GALNTL6: variants seen among roughly 807,000 people sequenced by gnomAD.
GALNTL6 encodes polypeptide N-acetylgalactosaminyltransferase-like 6.
In GALNTL6, 46 loss-of-function variants were observed where a neutral mutation model predicts 73.7. That is an observed-to-expected ratio of 0.62 (90% CI 0.49 to 0.80). GALNTL6 has a LOEUF of 0.80. Among genes scored for constraint, GALNTL6 ranks in the 30% least tolerant of loss-of-function variants. The pLI is 0.00. For missense variants in GALNTL6, 604 were observed against 755.0 expected (o/e 0.80, Z 2.34); for synonymous variants, 259 against 263.7 (o/e 0.98, Z 0.17).
chr4:171,937,221 G>C (rs1285403715), intron 2 of GALNTL6, among the ~76,000 whole-genome samples: 4 of 152,088 alleles, frequency 2.6e-5, no homozygotes, highest in Non-Finnish European at 5.9e-5. Flanking sequence ...TTCACTGTTT[G>C]ACATGAGTGC....
chr4:171,814,776 G>T (rs775462343), intron 2 of GALNTL6, 58 bp downstream of exon 2: 1 of 1,568,138 alleles, frequency 6.4e-7, no homozygotes, highest in Non-Finnish European at 8.7e-7. Context: ...ATCCTCGCGC[G>T]GGGACTCGAG....
intron 3 of GALNTL6, among the ~76,000 whole-genome samples, chr4:172,273,852 T>C (rs574234019): frequency 6.6e-6 from 1 of 152,288 alleles, no homozygotes; most frequent in South Asian, 2.1e-4. Context: ...AAAGAAGGCA[T>C]TGGTGACCTT....
chr4:172,442,862 GA>G (rs1005606127), intron 5 of GALNTL6, among the ~76,000 whole-genome samples: 2 of 151,434 alleles, frequency 1.3e-5, no homozygotes, highest in African/African-American at 4.8e-5. Flanking sequence ...TTTAATGAGA[GA>G]AAAAAATACC....
Position 172,979,684 on chromosome 4 carries a change from G to A in GALNTL6, c.1371+27426G>A, listed in dbSNP as rs1430798105. Among the ~76,000 whole-genome samples, 5 of 152,286 alleles carry A rather than the reference G, an allele frequency of 3.3e-5. No individual in the cohort carries two copies. In the East Asian group the frequency reaches 7.7e-4, roughly 24 times the overall value. On this transcript the variant is annotated intron_variant, in intron 10 of 12. Coordinates refer to ENST00000506823, the MANE Select transcript of GALNTL6 (RefSeq NM_001034845.3). Reference sequence around the variant, plus strand: ...ATTCACCTGGCTTTAGGAGCCCTTTGAGTTACCCTGCTTGGTTCTTAAACA... The same window carrying A: ...ATTCACCTGGCTTTAGGAGCCCTTTAAGTTACCCTGCTTGGTTCTTAAACA...
intron 5 of GALNTL6, among the ~76,000 whole-genome samples, chr4:172,707,320 T>G (rs1364432532): frequency 2.0e-5 from 3 of 152,224 alleles, no homozygotes; most frequent in Non-Finnish European, 1.5e-5. Context: ...GTAGTGTTTG[T>G]TGTAGCAGTG....
chr4:172,726,321 C>T (rs1460273758), intron 5 of GALNTL6, among the ~76,000 whole-genome samples: 1 of 152,202 alleles, frequency 6.6e-6, no homozygotes, highest in Non-Finnish European at 1.5e-5. Context: ...CTTCTGCCGA[C>T]CCCCGAGTAG....
chr4:172,186,831 G>T (rs1163145638), intron 2 of GALNTL6, among the ~76,000 whole-genome samples: 1 of 152,012 alleles, frequency 6.6e-6, no homozygotes, highest in African/African-American at 2.4e-5. Flanking sequence ...TTGGGGTGAA[G>T]AAAATGTTTT....
intron 2 of GALNTL6, among the ~76,000 whole-genome samples, chr4:171,894,633 A>T (rs1372483703): frequency 6.6e-6 from 1 of 152,178 alleles, no homozygotes; most frequent in Non-Finnish European, 1.5e-5. Context: ...AAGTGCTGGG[A>T]TTACTGGCAG....
intron 2 of GALNTL6, among the ~76,000 whole-genome samples, chr4:172,219,262 C>T (rs115806223): frequency 0.026 from 3,326 of 129,000 alleles, 120 homozygotes; most frequent in African/African-American, 0.08. Flanking sequence ...AAAGAATAAC[C>T]GTTATTTTAA....
intron 5 of GALNTL6, among the ~76,000 whole-genome samples, chr4:172,806,548 G>A (rs1402530431): frequency 6.6e-6 from 1 of 152,202 alleles, no homozygotes; most frequent in African/African-American, 2.4e-5. Flanking sequence ...TGGGAAGTTA[G>A]AATATTCTAG....
intron 5 of GALNTL6, among the ~76,000 whole-genome samples, chr4:172,415,441 T>C (rs1335194546): frequency 6.6e-6 from 1 of 152,170 alleles, no homozygotes; most frequent in East Asian, 1.9e-4. Context: ...TGAGGGAGGC[T>C]CTGCCCCTTG....
At chr4:172,423,272 C>T (rs920164964) in intron 5 of GALNTL6, among the ~76,000 whole-genome samples, 1 of 152,020 alleles carries the variant, frequency 6.6e-6, no homozygotes, top group Non-Finnish European at 1.5e-5. Flanking sequence ...CACATCATAT[C>T]ATTTCTCTGT....
At chr4:172,705,447 T>TA (rs36060764) in intron 5 of GALNTL6, among the ~76,000 whole-genome samples, 61,371 of 148,140 alleles carry the variant, frequency 0.41, 14,343 homozygotes, top group African/African-American at 0.64. Flanking sequence ...ACAATAAATT[T>TA]AAAAAAAAAA....
chr4:172,305,443 C>T (rs1002023820), intron 3 of GALNTL6, among the ~76,000 whole-genome samples: 3 of 152,040 alleles, frequency 2.0e-5, no homozygotes, highest in Non-Finnish European at 4.4e-5. Context: ...CACTAATTCT[C>T]ATATTTAAAG....
At chr4:172,950,148 G>A (rs1018271870) in intron 9 of GALNTL6, among the ~76,000 whole-genome samples, 1 of 152,110 alleles carries the variant, frequency 6.6e-6, no homozygotes, top group Non-Finnish European at 1.5e-5. Flanking sequence ...GTCCCCAAAT[G>A]AATCAGGCAA....
chr4:172,595,969 T>C (rs1181455058), intron 5 of GALNTL6, among the ~76,000 whole-genome samples: 10 of 152,050 alleles, frequency 6.6e-5, no homozygotes, highest in African/African-American at 1.9e-4. Context: ...AAAATAAGCA[T>C]ATAAACTTAT....
intron 5 of GALNTL6, among the ~76,000 whole-genome samples, chr4:172,785,798 C>G (rs1739620930): frequency 1.3e-5 from 2 of 152,064 alleles, no homozygotes; most frequent in Admixed American, 1.3e-4. Context: ...TTAATCATCC[C>G]CAATCATCTG....
rs1354181209 is a variant in GALNTL6, at chr4:172,448,290, T to C, written c.553+99601T>C. ...CCTAGATCTTACTTCTGTGGTTTAT[T>C]CATAAGCACTTTGGAATAGTGCTTC... On this transcript the variant is annotated intron_variant, in intron 5 of 12. Coordinates refer to ENST00000506823, the MANE Select transcript of GALNTL6 (RefSeq NM_001034845.3). 3.3e-5 allele frequency among the ~76,000 whole-genome samples: 5 copies of C among 152,324 alleles called. No individual in the cohort carries two copies. In the East Asian group the frequency reaches 9.6e-4, roughly 29 times the overall value.
chr4:172,519,768 T>G (rs2110813717), intron 5 of GALNTL6, among the ~76,000 whole-genome samples: 1 of 152,042 alleles, frequency 6.6e-6, no homozygotes, highest in East Asian at 1.9e-4. Flanking sequence ...GCCTCTGCTT[T>G]TCTTCCTTCC....
Sources: allele counts gnomAD v4.1 joint callset (sites outside exome capture counted in the v4.1 genomes callset), GRCh38; gene constraint gnomAD v4.1.1; transcripts MANE v1.5; gene names NCBI Gene and HGNC (gene_info 2026-07-23, HGNC 2026-07-21).